The following CLRN1 variants were observed in gnomAD, a reference collection of about 807,000 sequenced individuals.
CLRN1 encodes the protein clarin 1, also known as clarin-1.
Under a neutral mutation model 18.7 loss-of-function variants are expected in CLRN1, and 15 were observed. The observed-to-expected ratio is 0.80, with a 90% confidence interval of 0.54 to 1.23. CLRN1 has a LOEUF of 1.23. CLRN1 is among the 50% of genes most tolerant of loss of function. The probability of loss-of-function intolerance (pLI) is 0.00; values close to 1 mark genes in which losing one functional copy is unlikely to be tolerated. For synonymous variants in CLRN1, 104 were observed against 102.9 expected (o/e 1.01, Z -0.07); for missense variants, 311 against 277.5 (o/e 1.12, Z -0.86).
At chr3:150,960,366 A>G (rs1400599814) in intron 1 of CLRN1, among the ~76,000 whole-genome samples, 1 of 152,184 alleles carries the variant, frequency 6.6e-6, no homozygotes, top group East Asian at 1.9e-4. Context: ...GGTGGGTAAG[A>G]GGGATTTGGC....
intron 2 of CLRN1, among the ~76,000 whole-genome samples, chr3:150,929,641 T>A (rs1713034146): frequency 2.0e-5 from 3 of 152,264 alleles, no homozygotes; most frequent in Admixed American, 2.0e-4. Context: ...GCTTACTAAT[T>A]GGTAGCTATT....
intron 1 of CLRN1, among the ~76,000 whole-genome samples, chr3:150,961,117 A>G (rs1489981031): frequency 6.6e-6 from 1 of 152,220 alleles, no homozygotes. Context: ...TCCCAGCCTA[A>G]TTTTGATCAG....
intron 2 of CLRN1, among the ~76,000 whole-genome samples, chr3:150,939,718 TA>T (rs1422751536): frequency 6.6e-6 from 1 of 152,106 alleles, no homozygotes; most frequent in Admixed American, 6.5e-5. Context: ...TTCCTTCTGT[TA>T]AAATTCTGTG....
chr3:150,937,388 T>TG (rs1472379174), intron 2 of CLRN1, among the ~76,000 whole-genome samples: 6 of 152,168 alleles, frequency 3.9e-5, no homozygotes, highest in Non-Finnish European at 8.8e-5. Context: ...TCACTTATAT[T>TG]GCAACCCTTA....
chr3:150,942,114 A>G (rs934432639), intron 1 of CLRN1, among the ~76,000 whole-genome samples: 1 of 152,198 alleles, frequency 6.6e-6, no homozygotes, highest in African/African-American at 2.4e-5. Context: ...AAAAAAATTT[A>G]TCTTAACTTG....
At position 150,943,880 on chromosome 3, in the gene CLRN1, G is replaced by C. The variant is rs200682738; in HGVS notation, c.254-2119C>G. 163 of 1,614,128 alleles carry C rather than the reference G, an allele frequency of 1.0e-4. 1 individual carries two copies. In the African/African-American group the frequency reaches 1.9e-3, roughly 19 times the overall value. ...CCTCACAGCACTAAAGCAGCCAGCTGGTTCCTGCACTCGTTCACTCGTGTG... is the reference window on the plus strand; with the variant it reads ...CCTCACAGCACTAAAGCAGCCAGCTCGTTCCTGCACTCGTTCACTCGTGTG... On this transcript the variant is annotated intron_variant, in intron 1 of 2. Transcript: ENST00000327047.
intron 1 of CLRN1, among the ~76,000 whole-genome samples, chr3:150,970,706 G>T (rs1715489261): frequency 6.6e-6 from 1 of 152,058 alleles, no homozygotes; most frequent in African/African-American, 2.4e-5. Flanking sequence ...GAATGTCAGG[G>T]GTATCTGGGA....
rs893847471 is a variant in CLRN1 at position 150,927,596 on chromosome 3, T to C, written c.*340A>G. 15 of 482,568 alleles carry C rather than the reference T, an allele frequency of 3.1e-5. No individual in the cohort carries two copies. The highest frequency in any genetic ancestry group is 1.8e-4 in the African/African-American group (9 of 51,000). 29.9% of individuals were successfully genotyped at this position (482,568 alleles called of 1,614,324 possible). A position where few individuals can be genotyped will look rare whatever the true frequency, so the allele number is the denominator to read the frequency against. The stretch of plus-strand genomic sequence containing the variant: ...TTTGTTTTTATTAAAATATATTCCA[T>C]GTGCCTTTGATATCTTTTTGATAGG... On this transcript the variant is annotated 3_prime_UTR_variant, in exon 3 of 3. Transcript: ENST00000327047.
chr3:150,941,176 T>A (rs907423197), intron 2 of CLRN1, among the ~76,000 whole-genome samples: 56 of 58,164 alleles, frequency 9.6e-4, no homozygotes, highest in Admixed American at 9.5e-3. Context: ...ATCTATCTCT[T>A]TCATATATAT....
At chr3:150,940,655 G>T in intron 2 of CLRN1, 1 of 782,822 alleles carries the variant, frequency 1.3e-6, no homozygotes, top group South Asian at 2.0e-5. Flanking sequence ...CAAAGTGTTG[G>T]ATCTTTTTGC....
intron 1 of CLRN1, among the ~76,000 whole-genome samples, chr3:150,945,996 G>A (rs1324514133): frequency 1.3e-5 from 2 of 152,146 alleles, no homozygotes; most frequent in Admixed American, 1.3e-4. Flanking sequence ...TTGATAATAA[G>A]AGGTTGGAAA....
At chr3:150,955,884 A>G (rs1316491013) in intron 1 of CLRN1, among the ~76,000 whole-genome samples, 3 of 152,094 alleles carry the variant, frequency 2.0e-5, no homozygotes, top group Non-Finnish European at 4.4e-5. Context: ...TTGGAATTTC[A>G]CCCATACGCC....
chr3:150,969,002 T>A (rs1715396124), intron 1 of CLRN1, among the ~76,000 whole-genome samples: 2 of 151,780 alleles, frequency 1.3e-5, no homozygotes, highest in Non-Finnish European at 2.9e-5. Flanking sequence ...TATTAAACTC[T>A]CTGCTCCATA....
At chr3:150,934,912 C>T (rs1713372872) in intron 2 of CLRN1, among the ~76,000 whole-genome samples, 1 of 151,954 alleles carries the variant, frequency 6.6e-6, no homozygotes, top group Non-Finnish European at 1.5e-5. Context: ...CCTTCTCCTG[C>T]CCGCACCTCT....
chr3:150,969,292 A>AATATATATATATATATATATATATAT (rs766087778), intron 1 of CLRN1, among the ~76,000 whole-genome samples: 11 of 61,406 alleles, frequency 1.8e-4, no homozygotes, highest in South Asian at 6.2e-4. Context: ...TGTGGCTTGT[A>AATATATATATATATATATATATATAT]ATATATATAT....
At chr3:150,954,144 G>C (rs1029860160) in intron 1 of CLRN1, among the ~76,000 whole-genome samples, 2 of 152,280 alleles carry the variant, frequency 1.3e-5, no homozygotes, top group African/African-American at 4.8e-5. Context: ...CTACCAGGAA[G>C]TTTTGCCCCT....
intron 1 of CLRN1, among the ~76,000 whole-genome samples, chr3:150,944,752 C>G (rs753498420): frequency 6.1e-5 from 9 of 147,718 alleles, no homozygotes; most frequent in Non-Finnish European, 6.0e-5. Context: ...GAGAATCCGT[C>G]TCAAAAAAAA....
intron 2 of CLRN1, among the ~76,000 whole-genome samples, chr3:150,938,092 G>A (rs1713601186): frequency 6.6e-6 from 1 of 152,142 alleles, no homozygotes; most frequent in Non-Finnish European, 1.5e-5. Context: ...ACAAGGAGCG[G>A]GGAAGCTTAG....
chr3:150,945,630 T>C (rs1576634460), intron 1 of CLRN1: 15 of 1,286,140 alleles, frequency 1.2e-5, no homozygotes, highest in Non-Finnish European at 1.5e-5. Context: ...TCAGGAGTCA[T>C]GGCCAGGTCA....
Sources: allele counts gnomAD v4.1 joint callset (sites outside exome capture counted in the v4.1 genomes callset), GRCh38; gene constraint gnomAD v4.1.1; transcripts MANE v1.5; gene names NCBI Gene and HGNC (gene_info 2026-07-23, HGNC 2026-07-21).